The following DEPTOR variants were observed in gnomAD, a reference collection of about 807,000 sequenced individuals.
The protein encoded by DEPTOR is DEP domain-containing mTOR-interacting protein.
In DEPTOR, 41 loss-of-function variants were observed where a neutral mutation model predicts 41.6. That is an observed-to-expected ratio of 0.98 (90% CI 0.77 to 1.28). The LOEUF is 1.28. Among genes scored for constraint, DEPTOR ranks in the 50% most tolerant of loss-of-function variants. The pLI is 0.00. For synonymous variants in DEPTOR, 195 were observed against 192.3 expected (o/e 1.01, Z -0.12); for missense variants, 514 against 527.9 (o/e 0.97, Z 0.26).
At chr8:120,001,413 G>A (rs913950556) in intron 4 of DEPTOR, 112 bp from the exon 5 acceptor site, 6 of 937,986 alleles carry the variant, frequency 6.4e-6, no homozygotes, top group African/African-American at 3.3e-5. Flanking sequence ...ATCTGTGGAA[G>A]AGAAGTCTTT....
At chr8:120,003,206 G>A in intron 6 of DEPTOR, 95 bp downstream of exon 6, 1 of 1,547,750 alleles carries the variant, frequency 6.5e-7, no homozygotes, top group African/African-American at 1.4e-5. Context: ...ACTAGTGTGT[G>A]GGTTCTAATA....
chr8:120,014,703 A>G (rs932601714), intron 8 of DEPTOR, among the ~76,000 whole-genome samples: 9 of 151,876 alleles, frequency 5.9e-5, no homozygotes, highest in African/African-American at 2.2e-4. Context: ...TTGTATTTTT[A>G]GTAGAGACAG....
rs1466398114 is a variant in DEPTOR at position 119,995,480 on chromosome 8, G to C, written c.605-6045G>C. Among the ~76,000 whole-genome samples, 3 of 151,794 alleles carry C rather than the reference G, an allele frequency of 2.0e-5. No homozygotes were observed. The East Asian group carries it at 5.8e-4, about 29-fold the overall frequency. The stretch of plus-strand genomic sequence containing the variant: ...AGGTGCCTATAATCCCAGCTACTTG[G>C]GGGACTAAGGCAGGAGAGTCACTTG... On this transcript the variant is annotated intron_variant, in intron 4 of 8. Coordinates refer to ENST00000286234, the MANE Select transcript of DEPTOR (RefSeq NM_022783.4).
At chr8:120,034,677 C>T (rs550506881) in intron 8 of DEPTOR, among the ~76,000 whole-genome samples, 9 of 151,714 alleles carry the variant, frequency 5.9e-5, no homozygotes, top group Non-Finnish European at 1.2e-4. Flanking sequence ...CTTGAACTCC[C>T]GACCTCAAGT....
At chr8:119,992,089 C>G (rs923023669) in intron 4 of DEPTOR, among the ~76,000 whole-genome samples, 11 of 152,180 alleles carry the variant, frequency 7.2e-5, no homozygotes, top group Non-Finnish European at 1.3e-4. Context: ...TTTATCCTTG[C>G]AGTTTATCTG....
At chr8:119,967,323 A>C (rs1016983263) in intron 4 of DEPTOR, among the ~76,000 whole-genome samples, 3 of 151,036 alleles carry the variant, frequency 2.0e-5, no homozygotes, top group African/African-American at 7.3e-5. Flanking sequence ...CAGGTGATCC[A>C]TCTGCCTCAG....
chr8:120,021,558 C>T (rs544692087), intron 8 of DEPTOR, among the ~76,000 whole-genome samples: 5 of 152,102 alleles, frequency 3.3e-5, no homozygotes, highest in African/African-American at 1.2e-4. Context: ...CTTAAATACG[C>T]TTATATTTGC....
chr8:119,936,959 G>A (rs1261753581), intron 3 of DEPTOR, among the ~76,000 whole-genome samples: 1 of 151,706 alleles, frequency 6.6e-6, no homozygotes, highest in African/African-American at 2.4e-5. Context: ...GGGAGGCGGA[G>A]GTTGCAGTGA....
At chr8:119,978,902 GCT>G (rs1828728748) in intron 4 of DEPTOR, among the ~76,000 whole-genome samples, 1 of 152,048 alleles carries the variant, frequency 6.6e-6, no homozygotes, top group African/African-American at 2.4e-5. Flanking sequence ...TTTCTGTTTG[GCT>G]CTCTGATTCT....
intron 1 of DEPTOR, among the ~76,000 whole-genome samples, chr8:119,918,452 T>C (rs1437185107): frequency 1.1e-5 from 1 of 93,362 alleles, no homozygotes; most frequent in African/African-American, 5.5e-5. Flanking sequence ...ATTTATTTAT[T>C]TATTTATTTA....
At chr8:119,877,184 C>T (rs1218494196) in intron 1 of DEPTOR, among the ~76,000 whole-genome samples, 1 of 152,190 alleles carries the variant, frequency 6.6e-6, no homozygotes, top group African/African-American at 2.4e-5. Context: ...TGAGATGCTA[C>T]ATGTAAAAGG....
intron 4 of DEPTOR, among the ~76,000 whole-genome samples, chr8:119,975,307 G>A (rs1828684209): frequency 6.6e-6 from 1 of 152,056 alleles, no homozygotes; most frequent in Admixed American, 6.6e-5. Flanking sequence ...CATGTCCTGA[G>A]CCCCATCAAT....
intron 1 of DEPTOR, among the ~76,000 whole-genome samples, chr8:119,878,347 T>C (rs1407409336): frequency 6.8e-6 from 1 of 147,732 alleles, no homozygotes; most frequent in African/African-American, 2.5e-5. Context: ...TAAGACAGCA[T>C]CTTCACTTTG....
At chr8:119,965,127 C>T in intron 3 of DEPTOR, 105 bp from the exon 4 acceptor site, 1 of 1,247,794 alleles carries the variant, frequency 8.0e-7, no homozygotes, top group Non-Finnish European at 1.1e-6. Context: ...CTGCATCTGT[C>T]TGTCTGACAA....
intron 1 of DEPTOR, among the ~76,000 whole-genome samples, chr8:119,917,459 T>C: frequency 6.6e-6 from 1 of 152,336 alleles, no homozygotes; most frequent in Non-Finnish European, 1.5e-5. Flanking sequence ...ATGTGGTGTG[T>C]CAACTCAGGA....
chr8:120,040,229 CTT>C (rs1196283668), intron 8 of DEPTOR, among the ~76,000 whole-genome samples: 9 of 152,270 alleles, frequency 5.9e-5, no homozygotes, highest in African/African-American at 1.9e-4. Context: ...AGAATGCTCT[CTT>C]ATAATACTAA....
At chr8:119,926,167 C>T (rs1350099969) in intron 1 of DEPTOR, among the ~76,000 whole-genome samples, 1 of 152,140 alleles carries the variant, frequency 6.6e-6, no homozygotes, top group Non-Finnish European at 1.5e-5. Context: ...ACCAGCTTTA[C>T]CAATTTATAA....
rs1366642719 is a variant in DEPTOR at position 120,045,618 on chromosome 8, G to T, written c.1102-3958G>T. Among the ~76,000 whole-genome samples the T allele has an allele frequency of 3.3e-5, 5 of 152,126 alleles. No homozygotes were observed. In the South Asian group the frequency reaches 1.0e-3, roughly 32 times the overall value. On this transcript the variant is annotated intron_variant, in intron 8 of 8. Coordinates refer to ENST00000286234, the MANE Select transcript of DEPTOR (RefSeq NM_022783.4). ...TTGAACTCCTGAGCTCGAGTGATCC[G>T]CCTGCCTTGGCCTCCCAAAGTGCTA...
chr8:119,969,575 C>T (rs1038402350), intron 4 of DEPTOR, among the ~76,000 whole-genome samples: 3 of 152,048 alleles, frequency 2.0e-5, no homozygotes, highest in Admixed American at 6.6e-5. Context: ...AGGCAGGTCT[C>T]GAACTCCTGA....
Sources: gnomAD v4.1 joint callset for allele counts (sites outside exome capture counted in the v4.1 genomes callset) on GRCh38, gnomAD v4.1.1 for gene constraint, MANE v1.5 for transcripts, NCBI Gene and HGNC (gene_info 2026-07-23, HGNC 2026-07-21) for gene names.